The following DMD variants were observed in gnomAD, a reference collection of about 807,000 sequenced individuals.
DMD encodes mutant dystrophin.
Under a neutral mutation model 330.1 loss-of-function variants are expected in DMD, and 63 were observed. That is an observed-to-expected ratio of 0.19 (90% CI 0.16 to 0.24). DMD has a LOEUF of 0.24. Ranked by LOEUF, DMD falls within the 10% of genes least tolerant of loss-of-function variation. The probability of loss-of-function intolerance (pLI) is 1.00; values close to 1 mark genes in which losing one functional copy is unlikely to be tolerated. For missense variants in DMD, 3,344 were observed against 2,684.1 expected (o/e 1.25, Z -5.43); for synonymous variants, 1,223 against 959.8 (o/e 1.27, Z -5.07).
chrX:31,477,034 A>G (rs2067838508), intron 59 of DMD, among the ~76,000 whole-genome samples: 1 of 111,698 alleles, frequency 9.0e-6, no homozygotes, highest in African/African-American at 3.3e-5. Context: ...ATAAGAGGGG[A>G]CAGAAGTAGG....
chrX:33,335,053 A>G (rs781310907), intron 1 of DMD, among the ~76,000 whole-genome samples: 1 of 110,769 alleles, frequency 9.0e-6, no homozygotes, highest in South Asian at 3.7e-4. Flanking sequence ...AAATCAGCTT[A>G]ATTTTCTCTA....
chrX:33,276,991 GTA>G (rs1603427601), intron 1 of DMD, among the ~76,000 whole-genome samples: 1 of 112,024 alleles, frequency 8.9e-6, no homozygotes, highest in African/African-American at 3.2e-5. Flanking sequence ...ATTTGTGTGT[GTA>G]TGTGTGTGTG....
intron 1 of DMD, among the ~76,000 whole-genome samples, chrX:33,196,748 T>A (rs2050962448): frequency 9.0e-6 from 1 of 111,606 alleles, no homozygotes; most frequent in Non-Finnish European, 1.9e-5. Context: ...GGGGCATTAT[T>A]TTTCCTAATT....
intron 7 of DMD, among the ~76,000 whole-genome samples, chrX:32,723,671 T>G (rs771949449): frequency 9.2e-4 from 102 of 111,252 alleles, no homozygotes; most frequent in Non-Finnish European, 1.7e-3. Flanking sequence ...ATTCTTACCA[T>G]ACCAAAACAG....
rs774759493 is a variant in DMD, at chrX:33,248,126, C to G, written c.7+91133G>C. On this transcript the variant is annotated intron_variant, in intron 1 of 17. Transcript: ENST00000288447. ...GCGCGATCTCAGCTCACTGTAAGCT[C>G]CGCCTCCCGGGTTCACACCATTCTC... Among the ~76,000 whole-genome samples, 12 of 111,236 alleles carry G rather than the reference C, an allele frequency of 1.1e-4. 1 individual carries two copies. In the South Asian group the frequency reaches 4.5e-3, roughly 42 times the overall value.
rs931010127 is a variant in DMD, at chrX:32,206,139, C to G, written c.6438+10777G>C. 1.6e-5 allele frequency: 8 copies of G among 514,084 alleles called. No individual in the cohort carries two copies. The African/African-American group carries it at 1.6e-4, about 10-fold the overall frequency. 42.4% of individuals were successfully genotyped at this position (514,084 alleles called of 1,213,427 possible). ...GGCAGCTTTGAAAATGTCTGTACAG[C>G]CCATGGTTTCCCTTGAGGGCTTTGA... On this transcript the variant is annotated intron_variant, in intron 44 of 78. Coordinates refer to ENST00000357033, the MANE Select transcript of DMD (RefSeq NM_004006.3).
intron 1 of DMD, among the ~76,000 whole-genome samples, chrX:33,067,750 C>T (rs1345337010): frequency 9.0e-6 from 1 of 111,311 alleles, no homozygotes; most frequent in Non-Finnish European, 1.9e-5. Context: ...GAAGCTGAGG[C>T]AAGAGAATCG....
intron 44 of DMD, among the ~76,000 whole-genome samples, chrX:32,099,748 G>C (rs1237142169): frequency 4.4e-5 from 3 of 68,949 alleles, no homozygotes; most frequent in African/African-American, 1.1e-4. Flanking sequence ...GTTGTGGGGT[G>C]GGGGGAGGGG....
rs965180070 is a variant in DMD, at chrX:32,196,951, A to G, written c.6438+19965T>C. Among the ~76,000 whole-genome samples, 17 of 91,186 alleles carry G rather than the reference A, an allele frequency of 1.9e-4. No individual in the cohort carries two copies. The East Asian group carries it at 3.0e-3, about 16-fold the overall frequency. 79.2% of individuals were successfully genotyped at this position (91,186 alleles called of 115,157 possible). A position where few individuals can be genotyped will look rare whatever the true frequency, so the allele number is the denominator to read the frequency against. On this transcript the variant is annotated intron_variant, in intron 44 of 78. Transcript: ENST00000357033. ...CAGTGAGCCAAGATCGCGCCACTGT[A>G]CTCCAGCCTGGGGTGACAGAGCGAG...
In DMD at chrX:32,656,993, T is replaced by G. The variant is rs1459515341; in HGVS notation, c.961-11841A>C. On this transcript the variant is annotated intron_variant, in intron 9 of 78. Transcript: ENST00000357033. ...ACATATATACATATTCACATACATATATAGTATACCAACTTATATGTGTGT... is the reference window on the plus strand; with the variant it reads ...ACATATATACATATTCACATACATAGATAGTATACCAACTTATATGTGTGT... 7.6e-5 allele frequency among the ~76,000 whole-genome samples: 8 copies of G among 105,604 alleles called. No homozygotes were observed. The Admixed American group carries it at 8.1e-4, about 11-fold the overall frequency. The allele number at this position is 105,604 out of a possible 115,157, so 91.7% of individuals were successfully genotyped here. A position where few individuals can be genotyped will look rare whatever the true frequency, so the allele number is the denominator to read the frequency against.
chrX:33,323,768 A>G (rs990598925), intron 1 of DMD, among the ~76,000 whole-genome samples: 3 of 111,947 alleles, frequency 2.7e-5, no homozygotes, highest in African/African-American at 9.7e-5. Flanking sequence ...AAGTAGATAC[A>G]GTCTCAGTCT....
intron 51 of DMD, among the ~76,000 whole-genome samples, chrX:31,746,608 G>A (rs770343604): frequency 6.3e-4 from 70 of 111,423 alleles, no homozygotes; most frequent in Non-Finnish European, 9.2e-4. Flanking sequence ...ATGTTATATA[G>A]AATATATTTA....
chrX:32,712,565 C>A (rs2065286189), intron 7 of DMD, among the ~76,000 whole-genome samples: 2 of 111,328 alleles, frequency 1.8e-5, no homozygotes, highest in Admixed American at 1.9e-4. Flanking sequence ...TTGTACTATG[C>A]ATTTATTTAT....
intron 7 of DMD, among the ~76,000 whole-genome samples, chrX:32,802,026 T>G (rs1279837318): frequency 8.9e-6 from 1 of 112,094 alleles, no homozygotes; most frequent in Non-Finnish European, 1.9e-5. Flanking sequence ...TTTAAAGTAG[T>G]TTTTTTCTAA....
At chrX:32,630,405 G>C (rs1333387709) in intron 11 of DMD, among the ~76,000 whole-genome samples, 1 of 108,990 alleles carries the variant, frequency 9.2e-6, no homozygotes, top group Non-Finnish European at 1.9e-5. Flanking sequence ...AATGCCCTGA[G>C]GTAGTCTTAT....
At chrX:32,193,784 C>A (rs1233571791) in intron 44 of DMD, among the ~76,000 whole-genome samples, 1 of 111,350 alleles carries the variant, frequency 9.0e-6, no homozygotes, top group Non-Finnish European at 1.9e-5. Flanking sequence ...GTCCCAGGAT[C>A]GCAGGAATTA....
chrX:33,096,100 G>A (rs889197399), intron 1 of DMD, among the ~76,000 whole-genome samples: 11 of 104,386 alleles, frequency 1.1e-4, no homozygotes, highest in African/African-American at 3.9e-4. Context: ...TCAGCCTCCA[G>A]AGTAGCTGGG....
intron 76 of DMD, among the ~76,000 whole-genome samples, chrX:31,141,700 G>GA (rs1226026895): frequency 1.8e-5 from 2 of 111,456 alleles, no homozygotes; most frequent in Non-Finnish European, 3.8e-5. Context: ...AATTGGAAGA[G>GA]ATGCTCCAAA....
chrX:31,447,716 A>G (rs907292290), intron 59 of DMD, among the ~76,000 whole-genome samples: 27 of 111,409 alleles, frequency 2.4e-4, no homozygotes, highest in African/African-American at 8.5e-4. Context: ...AAAACAACCC[A>G]GACCAGGTGG....
Sources: gnomAD v4.1 joint callset for allele counts (sites outside exome capture counted in the v4.1 genomes callset) on GRCh38, gnomAD v4.1.1 for gene constraint, MANE v1.5 for transcripts, NCBI Gene and HGNC (gene_info 2026-07-23, HGNC 2026-07-21) for gene names.